The following MOV10L1 variants were observed in gnomAD, a reference collection of about 807,000 sequenced individuals.
MOV10L1 encodes Mov10 like RNA helicase 1, also known as RNA helicase Mov10l1.
In MOV10L1, 110 loss-of-function variants were observed where a neutral mutation model predicts 143.8. That is an observed-to-expected ratio of 0.76 (90% CI 0.66 to 0.90). MOV10L1 has a LOEUF of 0.90. MOV10L1 is among the 40% of genes least tolerant of loss of function. The pLI is 0.00. For synonymous variants in MOV10L1, 593 were observed against 581.1 expected (o/e 1.02, Z -0.29); for missense variants, 1,406 against 1,526.8 (o/e 0.92, Z 1.32).
At position 50,114,637 on chromosome 22, in the gene MOV10L1, G is replaced by A. The variant is rs200145043; in HGVS notation, c.1126+15G>A. 118 of 1,611,984 alleles carry A rather than the reference G, an allele frequency of 7.3e-5. No individual in the cohort carries two copies. Among genetic ancestry groups the A allele is most frequent in the Non-Finnish European group, 9.3e-5 (110 of 1,178,498 alleles). Reference sequence around the variant, plus strand: ...AATCTCTCCAGGTAGTGGACGTTTCGGCTGTCACTGCGTGAGGTCGGGTGG... The same window carrying A: ...AATCTCTCCAGGTAGTGGACGTTTCAGCTGTCACTGCGTGAGGTCGGGTGG... On this transcript the variant is annotated intron_variant, in intron 7 of 26. Transcript: ENST00000262794.
chr22:50,136,816 G>A (rs1300093456), intron 15 of MOV10L1, among the ~76,000 whole-genome samples: 1 of 152,192 alleles, frequency 6.6e-6, no homozygotes, highest in Non-Finnish European at 1.5e-5. Context: ...CCCAGGCCTG[G>A]AAAAGAACCA....
chr22:50,140,810 CCTCCTGGA>C (rs1030543461), intron 15 of MOV10L1, among the ~76,000 whole-genome samples: 1 of 151,840 alleles, frequency 6.6e-6, no homozygotes, highest in Non-Finnish European at 1.5e-5. Context: ...GCAACCTTGA[CCTCCTGGA>C]CTCTAGCAGT....
chr22:50,111,486 C>CTTTTTTTTTT (rs529438045), intron 5 of MOV10L1, among the ~76,000 whole-genome samples: 2 of 59,148 alleles, frequency 3.4e-5, no homozygotes, highest in Admixed American at 2.0e-4. Context: ...TCTGTCTTTG[C>CTTTTTTTTTT]TTTTTTTTTT....
At position 50,158,137 on chromosome 22, in the gene MOV10L1, C is replaced by G. The variant is rs2063474074; in HGVS notation, c.3147C>G (p.Leu1049=). ...TCCAGGTCCTGCGCTACTGCTGCCT[C>G]CTGGCCCACAGCATCTCCAGTCAGG... is the stretch of plus-strand genomic sequence containing the variant. The part of the protein sequence containing the change: ...EAVQVLRYCC[L]LAHSISSQVS... Residue 1049 remains leucine (L), a synonymous_variant, in exon 23 of 27, where the codon CTC becomes CTG. Transcript: ENST00000262794. This position sits in a 1 kb window ranked among gnomAD's most constrained non-coding sequence, Gnocchi z 5.0. 4 of 1,614,194 alleles carry G rather than the reference C, an allele frequency of 2.5e-6. No individual in the cohort carries two copies. Among genetic ancestry groups the G allele is most frequent in the Non-Finnish European group, 3.4e-6 (4 of 1,180,036 alleles).
At chr22:50,156,018 C>G (rs993961208) in intron 22 of MOV10L1, among the ~76,000 whole-genome samples, 2 of 152,148 alleles carry the variant, frequency 1.3e-5, no homozygotes, top group African/African-American at 4.8e-5. Context: ...TGCCCTGGCA[C>G]TTTAGTCTGG....
chr22:50,150,284 G>T (rs182154379), intron 20 of MOV10L1, among the ~76,000 whole-genome samples: 3 of 152,286 alleles, frequency 2.0e-5, no homozygotes, highest in African/African-American at 7.2e-5. Context: ...CTGTGGGGCG[G>T]AGCATGAAGG....
At chr22:50,137,481 C>T (rs1280523782) in intron 15 of MOV10L1, among the ~76,000 whole-genome samples, 1 of 151,968 alleles carries the variant, frequency 6.6e-6, no homozygotes, top group Non-Finnish European at 1.5e-5. Context: ...GCGGAGGCTG[C>T]AGTGAGCCGA....
intron 14 of MOV10L1, 151 bp from the exon 15 acceptor site, chr22:50,134,379 A>G (rs2062762691): frequency 1.6e-6 from 1 of 636,022 alleles, no homozygotes; most frequent in Non-Finnish European, 2.7e-6. Context: ...AGTACTAATA[A>G]TGCTATAATT....
intron 2 of MOV10L1, chr22:50,094,544 C>G (rs1264427892): frequency 6.6e-6 from 1 of 152,028 alleles, no homozygotes; most frequent in Non-Finnish European, 1.5e-5. Context: ...GGACTACAGG[C>G]GCCTGCCACC....
At position 50,108,233 on chromosome 22, in the gene MOV10L1, C is replaced by G; in HGVS notation, c.540C>G (p.Tyr180Ter). The change falls in exon 4 of 27, where the codon TAC becomes TAG. Residue 180 changes from tyrosine to a stop codon, truncating the protein, a stop_gained. Coordinates refer to ENST00000262794, the MANE Select transcript of MOV10L1 (RefSeq NM_018995.3). LOFTEE classifies it high-confidence loss of function. Reference protein sequence around the residue: ...SEATSVKPLRYKRVDKVCISS... With the variant: ...SEATSVKPLR ...CCACCTCAGTGAAGCCACTGAGATA[C>G]AAGCGCGTGGACAAGGTAGCGTGCC... 1 of 1,613,702 alleles carries G rather than the reference C, an allele frequency of 6.2e-7. No individual in the cohort carries two copies. Among genetic ancestry groups the G allele is most frequent in the Non-Finnish European group, 8.5e-7 (1 of 1,179,874 alleles).
In MOV10L1 at chr22:50,159,840, G is replaced by C; in HGVS notation, c.3324+55G>C. The stretch of plus-strand genomic sequence containing the variant: ...ACAGTCAGGTGCTTGCTGCCCTGGG[G>C]GTTCTGGGGGCTTCAGATCTAAAGG... On this transcript the variant is annotated intron_variant, in intron 24 of 26. Transcript: ENST00000262794. This position sits in a 1 kb window ranked among gnomAD's most constrained non-coding sequence, Gnocchi z 4.1. The C allele has an allele frequency of 8.3e-7, 1 of 1,206,272 alleles. No individual in the cohort carries two copies. The highest frequency in any genetic ancestry group is 1.5e-5 in the African/African-American group (1 of 65,782). The allele number at this position is 1,206,272 out of a possible 1,614,324, so 74.7% of individuals were successfully genotyped here. A position where few individuals can be genotyped will look rare whatever the true frequency, so the allele number is the denominator to read the frequency against.
At chr22:50,112,203 A>G (rs1236882287) in intron 5 of MOV10L1, among the ~76,000 whole-genome samples, 1 of 152,136 alleles carries the variant, frequency 6.6e-6, no homozygotes, top group Non-Finnish European at 1.5e-5. Context: ...GAGGGTGCCT[A>G]GGGCCCATCC....
chr22:50,108,972 C>G (rs1435097337), intron 5 of MOV10L1, 128 bp downstream of exon 5: 2 of 812,264 alleles, frequency 2.5e-6, no homozygotes, highest in African/African-American at 1.7e-5. Flanking sequence ...TGGTGAAACT[C>G]TGTCTCTACT....
intron 22 of MOV10L1, among the ~76,000 whole-genome samples, chr22:50,154,410 T>G (rs891694230): frequency 1.3e-5 from 2 of 151,900 alleles, no homozygotes; most frequent in Non-Finnish European, 2.9e-5. Context: ...AAATTTTTTT[T>G]TTTTTAAATT....
chr22:50,130,769 C>T (rs1464207183), intron 13 of MOV10L1, among the ~76,000 whole-genome samples: 3 of 152,162 alleles, frequency 2.0e-5, no homozygotes, highest in Admixed American at 2.0e-4. Context: ...AGACTGCAGC[C>T]GACGTCCAGG....
chr22:50,153,118 G>C lies in MOV10L1; in HGVS notation c.2966G>C (p.Arg989Thr). The C allele has an allele frequency of 6.2e-7, 1 of 1,613,856 alleles. No individual in the cohort carries two copies. The highest frequency in any genetic ancestry group is 1.3e-5 in the African/African-American group (1 of 75,056). Reference sequence around the variant, plus strand: ...CTGCCCTCACGGCTGTTCTACCACAGGGAACTCGAGGTCTGTGCGGACCCC... The same window carrying C: ...CTGCCCTCACGGCTGTTCTACCACACGGAACTCGAGGTCTGTGCGGACCCC... ...LMLPSRLFYH[R>T]ELEVCADPTV... The change falls in exon 22 of 27, where the codon AGG (arginine) becomes ACG (threonine). Residue 989 changes from arginine to threonine, a missense_variant. This residue lies in a region of MOV10L1 where 1,233 missense variants were observed against 1,351.4 expected (regional missense o/e 0.91). Coordinates refer to ENST00000262794, the MANE Select transcript of MOV10L1 (RefSeq NM_018995.3).
At chr22:50,131,341 G>A (rs113290576) in intron 13 of MOV10L1, among the ~76,000 whole-genome samples, 8 of 152,270 alleles carry the variant, frequency 5.3e-5, no homozygotes, top group African/African-American at 1.4e-4. Flanking sequence ...TATAGTTTCA[G>A]TACAGTGCTT....
intron 2 of MOV10L1, among the ~76,000 whole-genome samples, chr22:50,097,847 T>A (rs1412255576): frequency 6.6e-6 from 1 of 152,146 alleles, no homozygotes; most frequent in Non-Finnish European, 1.5e-5. Flanking sequence ...TTTTGTTGTT[T>A]GTTTGAGACA....
intron 24 of MOV10L1, among the ~76,000 whole-genome samples, 172 bp from the exon 25 acceptor site, chr22:50,160,516 G>A (rs2063530720): frequency 6.6e-6 from 1 of 151,838 alleles, no homozygotes; most frequent in Non-Finnish European, 1.5e-5. Context: ...GCCTCCCAAA[G>A]GCTGGGATTA....
Sources: gnomAD v4.1 joint callset for allele counts (sites outside exome capture counted in the v4.1 genomes callset) on GRCh38, gnomAD v4.1.1 for gene constraint, gnomAD v4.1.1 regional missense constraint, Gnocchi (gnomAD v3.1) non-coding constraint, MANE v1.5 for transcripts, NCBI Gene and HGNC (gene_info 2026-07-23, HGNC 2026-07-21) for gene names.